DHRS4L2: variants seen among roughly 807,000 people sequenced by gnomAD.
DHRS4L2 encodes dehydrogenase/reductase 4 like 2, also known as dehydrogenase/reductase SDR family member 4-like 2.
DHRS4L2 carries 22 observed loss-of-function variants against 23.9 expected under a neutral mutation model. The observed-to-expected ratio is 0.92, with a 90% CI of 0.66 to 1.31. The LOEUF (loss-of-function observed/expected upper bound fraction) is 1.31, where lower values mean the gene tolerates loss of function less well. Ranked by LOEUF, DHRS4L2 falls within the 40% of genes most tolerant of loss-of-function variation. The probability of loss-of-function intolerance (pLI) is 0.00; values close to 1 mark genes in which losing one functional copy is unlikely to be tolerated. For missense variants in DHRS4L2, 385 were observed against 303.3 expected (o/e 1.27, Z -2.00); for synonymous variants, 141 against 123.7 (o/e 1.14, Z -0.93).
chr14:23,974,390 A>G (rs1005032209), intron 1 of DHRS4L2, among the ~76,000 whole-genome samples: 2 of 151,680 alleles, frequency 1.3e-5, no homozygotes, highest in African/African-American at 4.8e-5. Flanking sequence ...ACAACAAATA[A>G]TGATGATCAG....
At chr14:23,989,156 C>G (rs1483487958) in intron 1 of DHRS4L2, 81 bp downstream of exon 1, 2 of 1,528,280 alleles carry the variant, frequency 1.3e-6, no homozygotes, top group Admixed American at 4.0e-5. Flanking sequence ...CTCCAGTGCC[C>G]CTGTCCTCAG....
At chr14:23,970,436 T>C in intron 1 of DHRS4L2, 1 of 357,928 alleles carries the variant, frequency 2.8e-6, no homozygotes, top group South Asian at 2.1e-5. Context: ...GTAGGCGTTC[T>C]ATGATCACAG....
At chr14:23,988,213 G>A (rs1812287078), upstream of DHRS4L2, among the ~76,000 whole-genome samples, 1 of 150,172 alleles carries the variant, frequency 6.7e-6, no homozygotes, top group South Asian at 2.2e-4. Context: ...TGAGTGCCCC[G>A]AGTTCTTTGC....
chr14:23,997,889 C>A (rs879358184), intron 3 of DHRS4L2, among the ~76,000 whole-genome samples: 9 of 151,806 alleles, frequency 5.9e-5, no homozygotes, highest in African/African-American at 2.2e-4. Context: ...ATGGTGCATC[C>A]TTTACAGAAG....
In DHRS4L2 at chr14:23,974,858, C is replaced by T. The variant is rs1412616191; in HGVS notation, c.-176+4526C>T. On this transcript the variant is annotated intron_variant, in intron 1 of 5. Coordinates refer to the DHRS4L2 transcript ENST00000534993. Reference sequence around the variant, plus strand: ...GGTACTATTCCTTCTGAAACTATACCGATCAATAGAAAAAGAAAGAATCCT... The same window carrying T: ...GGTACTATTCCTTCTGAAACTATACTGATCAATAGAAAAAGAAAGAATCCT... Among the ~76,000 whole-genome samples the T allele has an allele frequency of 4.6e-5, 7 of 151,722 alleles. No homozygotes were observed. The South Asian group carries it at 8.3e-4, about 18-fold the overall frequency.
upstream of DHRS4L2, among the ~76,000 whole-genome samples, chr14:23,986,220 T>C (rs111808647): frequency 3.2e-4 from 48 of 151,454 alleles, 2 homozygotes; most frequent in Middle Eastern, 3.4e-3. Context: ...GAGATTCCCA[T>C]ACTTCTTGAC....
chr14:23,990,564 C>A (rs1387113187), intron 2 of DHRS4L2, among the ~76,000 whole-genome samples: 2 of 151,104 alleles, frequency 1.3e-5, no homozygotes, highest in Non-Finnish European at 3.0e-5. Flanking sequence ...CCCTTGAGTA[C>A]CCCAAAGAAA....
intron 2 of DHRS4L2, among the ~76,000 whole-genome samples, chr14:23,990,588 T>C (rs2034249960): frequency 6.6e-6 from 1 of 151,362 alleles, no homozygotes; most frequent in African/African-American, 2.4e-5. Context: ...CTGGTACTGG[T>C]TCTGCAGTAA....
At chr14:24,001,544 C>G (rs2034490725) in intron 6 of DHRS4L2, 27 bp downstream of exon 6, 1 of 1,598,638 alleles carries the variant, frequency 6.3e-7, no homozygotes, top group Non-Finnish European at 8.5e-7. Flanking sequence ...TTGCATTTGA[C>G]TGGGACCCCT....
chr14:23,982,586 G>C (rs934960525), intron 1 of DHRS4L2, among the ~76,000 whole-genome samples: 1 of 151,378 alleles, frequency 6.6e-6, no homozygotes, highest in African/African-American at 2.4e-5. Flanking sequence ...AAGACAGCAT[G>C]GTAATAGTAC....
At chr14:23,991,737 C>CTTTTTTTTTTTTTTTTTTTTT (rs56024121) in intron 2 of DHRS4L2, among the ~76,000 whole-genome samples, 1 of 139,882 alleles carries the variant, frequency 7.1e-6, no homozygotes, top group Non-Finnish European at 1.6e-5. Flanking sequence ...GCCTCCATAT[C>CTTTTTTTTTTTTTTTTTTTTT]TTTTTTTTTT....
Position 23,990,060 on chromosome 14 carries a change from CG to C in DHRS4L2, c.129-121del, listed in dbSNP as rs1181234603. 2.7e-6 allele frequency: 4 copies of C among 1,463,448 alleles called. No homozygotes were observed. In the African/African-American group the frequency reaches 5.7e-5, roughly 21 times the overall value. 90.7% of individuals were successfully genotyped at this position (1,463,448 alleles called of 1,614,324 possible). ...GCCTGTTTTACACATAGTAGGCACA[CG>C]TAGGAGTTATATAGAGAAAGAGCCA... On this transcript the variant is annotated intron_variant, in intron 1 of 7. Transcript: ENST00000335125.
chr14:23,976,886 T>C (rs2033976431), intron 1 of DHRS4L2, among the ~76,000 whole-genome samples: 1 of 151,616 alleles, frequency 6.6e-6, no homozygotes, highest in Non-Finnish European at 1.5e-5. Context: ...TTCTCACTCA[T>C]AAGTGGAAGT....
chr14:23,986,769 C>G (rs1007617120), upstream of DHRS4L2, among the ~76,000 whole-genome samples: 1 of 149,238 alleles, frequency 6.7e-6, no homozygotes, highest in African/African-American at 2.5e-5. Context: ...TGAACCAAGC[C>G]CTGAGAACCC....
At chr14:23,986,822 G>C (rs2034153654), upstream of DHRS4L2, among the ~76,000 whole-genome samples, 1 of 151,412 alleles carries the variant, frequency 6.6e-6, no homozygotes, top group Non-Finnish European at 1.5e-5. Context: ...GCCCCACACA[G>C]ATGGAGAGCC....
At position 23,993,002 on chromosome 14, in the gene DHRS4L2, T is replaced by G. The variant is rs1266922677; in HGVS notation, c.307-2030T>G. Among the ~76,000 whole-genome samples, 8 of 147,802 alleles carry G rather than the reference T, an allele frequency of 5.4e-5. No homozygotes were observed. The Middle Eastern group carries it at 0.01, about 190-fold the overall frequency. ...GCCTCATTCATCTTTTATGGTTTGC[T>G]GTCTCTGTTCAATCAAAACCCAGCC... On this transcript the variant is annotated intron_variant, in intron 2 of 7. Transcript: ENST00000335125.
rs1395476866 is a variant in DHRS4L2, at chr14:24,006,173, G to C, written c.*310G>C. ...GCCGTCAAGGTGGCGTCTTACTCGG[G>C]ATTCCTGCTGTTGTTGTGGCCTTGG... On this transcript the variant is annotated 3_prime_UTR_variant, in exon 8 of 8. Transcript: ENST00000335125. 1 of 1,330,596 alleles carries C rather than the reference G, an allele frequency of 7.5e-7. No homozygotes were observed. The highest frequency in any genetic ancestry group is 1.6e-5 in the South Asian group (1 of 61,984). The allele number at this position is 1,330,596 out of a possible 1,614,324, so 82.4% of individuals were successfully genotyped here.
intron 1 of DHRS4L2, among the ~76,000 whole-genome samples, chr14:23,977,875 T>G (rs539349069): frequency 8.6e-5 from 13 of 151,754 alleles, no homozygotes; most frequent in South Asian, 4.2e-4. Context: ...TTCCCAAAAA[T>G]AAACACTGCG....
chr14:23,971,863 G>A (rs12586874), intron 1 of DHRS4L2, among the ~76,000 whole-genome samples: 11,711 of 152,018 alleles, frequency 0.077, 692 homozygotes, highest in East Asian at 0.23. Flanking sequence ...ACGGGTACCA[G>A]CCACTGCAAA....
Sources: gnomAD v4.1 joint callset for allele counts (sites outside exome capture counted in the v4.1 genomes callset) on GRCh38, gnomAD v4.1.1 for gene constraint, MANE v1.5 for transcripts, NCBI Gene and HGNC (gene_info 2026-07-23, HGNC 2026-07-21) for gene names.